FBXW2: variants seen among roughly 807,000 people sequenced by gnomAD.
FBXW2 encodes F-box/WD repeat-containing protein 2.
A neutral mutation model predicts 46.0 loss-of-function variants in FBXW2; 12 were observed. The observed-to-expected ratio is 0.26, with a 90% CI of 0.17 to 0.42. The LOEUF (loss-of-function observed/expected upper bound fraction) is 0.42. Ranked by LOEUF, FBXW2 falls within the 10% of genes least tolerant of loss-of-function variation. FBXW2 has a pLI of 1.00. For missense variants in FBXW2, 360 were observed against 537.0 expected (o/e 0.67, Z 3.26); for synonymous variants, 203 against 209.6 (o/e 0.97, Z 0.27).
intron 6 of FBXW2, among the ~76,000 whole-genome samples, chr9:120,772,471 C>A (rs1410222399): frequency 6.7e-6 from 1 of 148,660 alleles, no homozygotes; most frequent in Non-Finnish European, 1.5e-5. Flanking sequence ...CCAACCTGGG[C>A]AACAGAGCGA....
At position 120,793,150 on chromosome 9, in the gene FBXW2, T is replaced by C. The variant is rs1338334854; in HGVS notation, c.-22A>G. On this transcript the variant is annotated splice_region_variant and 5_prime_UTR_variant, in exon 2 of 8. Transcript: ENST00000608872. ...AATCGTGTTCCGCGCGGCACTGACCTGAGCGAGCGCCCCGGGGCCCGGGAC... is the reference window on the plus strand; with the variant it reads ...AATCGTGTTCCGCGCGGCACTGACCCGAGCGAGCGCCCCGGGGCCCGGGAC... 3 of 597,830 alleles carry C rather than the reference T, an allele frequency of 5.0e-6. No homozygotes were observed. The highest frequency in any genetic ancestry group is 8.7e-6 in the Non-Finnish European group (3 of 343,532). The allele number at this position is 597,830 out of a possible 1,614,324, so 37.0% of individuals were successfully genotyped here.
chr9:120,771,208 T>C (rs779403797), intron 7 of FBXW2, 140 bp downstream of exon 7: 25 of 688,948 alleles, frequency 3.6e-5, no homozygotes, highest in Non-Finnish European at 5.7e-5. Flanking sequence ...TCAGTATATA[T>C]AACCCTGTTT....
At chr9:120,778,277 C>A in intron 4 of FBXW2, 74 bp downstream of exon 4, 7 of 1,236,306 alleles carry the variant, frequency 5.7e-6, no homozygotes, top group South Asian at 1.6e-5. Context: ...AAAAAAAAAG[C>A]ATTTCACATT....
intron 4 of FBXW2, among the ~76,000 whole-genome samples, chr9:120,778,099 G>A (rs1057216487): frequency 2.0e-5 from 3 of 151,630 alleles, no homozygotes; most frequent in Non-Finnish European, 4.4e-5. Context: ...GAGAGAGAGA[G>A]AAACAGAGAG....
At position 120,771,341 on chromosome 9, in the gene FBXW2, A is replaced by G; in HGVS notation, c.1076+7T>C. 1.2e-6 allele frequency: 2 copies of G among 1,606,066 alleles called. No individual in the cohort carries two copies. The highest frequency in any genetic ancestry group is 1.7e-6 in the Non-Finnish European group (2 of 1,176,248). On this transcript the variant is annotated splice_region_variant and intron_variant, in intron 7 of 7. Coordinates refer to ENST00000608872, the MANE Select transcript of FBXW2 (RefSeq NM_012164.4). ...AAGGTAAAGCGTGAGGTCGAAGGAA[A>G]CATTACCTGAGAATATCATAACTGG...
rs973864673 is a variant in FBXW2, at chr9:120,758,226, A to T, written c.*6333T>A. 2 of 152,260 alleles carry T rather than the reference A, an allele frequency of 1.3e-5. No homozygotes were observed. The highest frequency in any genetic ancestry group is 2.9e-5 in the Non-Finnish European group (2 of 68,052). 9.4% of individuals were successfully genotyped at this position (152,260 alleles called of 1,614,324 possible). A position where few individuals can be genotyped will look rare whatever the true frequency, so the allele number is the denominator to read the frequency against. ...GGGTATGGTGGTCAGCAGAGGCTTT[A>T]AAGATAGTGGGAGATCAATGGGATT... On this transcript the variant is annotated 3_prime_UTR_variant, in exon 8 of 8. Coordinates refer to ENST00000608872, the MANE Select transcript of FBXW2 (RefSeq NM_012164.4).
In FBXW2 at chr9:120,764,220, A is replaced by G. The variant is rs2131271623; in HGVS notation, c.*339T>C. 1 of 404,902 alleles carries G rather than the reference A, an allele frequency of 2.5e-6. No homozygotes were observed. Among genetic ancestry groups the G allele is most frequent in the South Asian group, 1.3e-4 (1 of 7,746 alleles). The allele number at this position is 404,902 out of a possible 1,614,324, so 25.1% of individuals were successfully genotyped here. ...GACAATGTGATTTCATAGGCAACCA[A>G]TTAGCAGATTAATGGATCATTTAAC... On this transcript the variant is annotated 3_prime_UTR_variant, in exon 8 of 8. Coordinates refer to ENST00000608872, the MANE Select transcript of FBXW2 (RefSeq NM_012164.4).
intron 2 of FBXW2, among the ~76,000 whole-genome samples, 192 bp from the exon 3 acceptor site, chr9:120,788,470 T>C (rs2044767819): frequency 1.3e-5 from 2 of 152,194 alleles, no homozygotes; most frequent in South Asian, 4.1e-4. Flanking sequence ...GAAAACACAT[T>C]TGAGAAAACA....
rs933739522 is a variant in FBXW2 at position 120,758,907 on chromosome 9, T to C, written c.*5652A>G. 6.6e-6 allele frequency: 1 copy of C among 152,196 alleles called. No homozygotes were observed. Among genetic ancestry groups the C allele is most frequent in the African/African-American group, 2.4e-5 (1 of 41,442 alleles). The allele number at this position is 152,196 out of a possible 1,614,324, so 9.4% of individuals were successfully genotyped here. On this transcript the variant is annotated 3_prime_UTR_variant, in exon 8 of 8. Transcript: ENST00000608872. Reference sequence around the variant, plus strand: ...AAGGTCTGGAAGCAAAATGGGACTTTTACCCACCCCATCCCTTCATTTGCA... The same window carrying C: ...AAGGTCTGGAAGCAAAATGGGACTTCTACCCACCCCATCCCTTCATTTGCA...
In FBXW2 at chr9:120,787,648, A is replaced by G. The variant is rs565407327; in HGVS notation, c.490+121T>C. ...GGGAACCACTCAGGATTAGAGAAAAAAAGTCACTGTACATATCTCATATAA... is the reference window on the plus strand; with the variant it reads ...GGGAACCACTCAGGATTAGAGAAAAGAAGTCACTGTACATATCTCATATAA... On this transcript the variant is annotated intron_variant, in intron 3 of 7. Coordinates refer to ENST00000608872, the MANE Select transcript of FBXW2 (RefSeq NM_012164.4). 6.6e-5 allele frequency: 69 copies of G among 1,046,562 alleles called. No homozygotes were observed. In the South Asian group the frequency reaches 1.2e-3, roughly 18 times the overall value. The allele number at this position is 1,046,562 out of a possible 1,614,324, so 64.8% of individuals were successfully genotyped here. A position where few individuals can be genotyped will look rare whatever the true frequency, so the allele number is the denominator to read the frequency against.
intron 3 of FBXW2, among the ~76,000 whole-genome samples, chr9:120,786,952 C>A (rs949111188): frequency 2.6e-5 from 4 of 152,120 alleles, no homozygotes; most frequent in Admixed American, 1.3e-4. Context: ...TGTTCCCAGG[C>A]CCAAACTCCA....
intron 4 of FBXW2, among the ~76,000 whole-genome samples, chr9:120,777,971 G>C (rs1178237969): frequency 6.6e-6 from 1 of 151,944 alleles, no homozygotes; most frequent in South Asian, 2.1e-4. Context: ...TACAAATAAA[G>C]TGGAATTTAC....
At chr9:120,782,328 C>T (rs762037218) in intron 3 of FBXW2, among the ~76,000 whole-genome samples, 1 of 150,588 alleles carries the variant, frequency 6.6e-6, no homozygotes, top group African/African-American at 2.4e-5. Flanking sequence ...TAGCCAGACA[C>T]GGTGGCGCAT....
chr9:120,772,995 T>C (rs889910593), intron 5 of FBXW2, among the ~76,000 whole-genome samples, 155 bp from the exon 6 acceptor site: 2 of 152,218 alleles, frequency 1.3e-5, no homozygotes, highest in African/African-American at 4.8e-5. Flanking sequence ...AAAGTTTTAC[T>C]ACAATATTCT....
chr9:120,778,263 T>TAAA, intron 4 of FBXW2, 88 bp downstream of exon 4: 8 of 1,033,170 alleles, frequency 7.7e-6, no homozygotes, highest in Non-Finnish European at 1.1e-5. Flanking sequence ...CAGGTTAAAT[T>TAAA]AAAAAAAAAA....
At chr9:120,769,443 G>C (rs2044331725) in intron 7 of FBXW2, among the ~76,000 whole-genome samples, 1 of 152,174 alleles carries the variant, frequency 6.6e-6, no homozygotes, top group Non-Finnish European at 1.5e-5. Context: ...GTCTCTATAT[G>C]CCACTCTGAG....
At chr9:120,792,188 T>G (rs1455750825) in intron 2 of FBXW2, among the ~76,000 whole-genome samples, 1 of 152,020 alleles carries the variant, frequency 6.6e-6, no homozygotes, top group Non-Finnish European at 1.5e-5. Context: ...CAGTACCCAT[T>G]CTCCCAAAAC....
At chr9:120,786,272 G>A (rs987963674) in intron 3 of FBXW2, among the ~76,000 whole-genome samples, 1 of 152,272 alleles carries the variant, frequency 6.6e-6, no homozygotes, top group Non-Finnish European at 1.5e-5. Flanking sequence ...GATCATGGGG[G>A]TGGCCCCCCA....
chr9:120,771,553 C>A, intron 6 of FBXW2, 36 bp from the exon 7 acceptor site: 1 of 1,561,862 alleles, frequency 6.4e-7, no homozygotes, highest in East Asian at 2.3e-5. Context: ...GATGAGAGAT[C>A]ACATCACTAC....
Sources: allele counts gnomAD v4.1 joint callset (sites outside exome capture counted in the v4.1 genomes callset), GRCh38; gene constraint gnomAD v4.1.1; transcripts MANE v1.5; gene names NCBI Gene and HGNC (gene_info 2026-07-23, HGNC 2026-07-21).